Variants in BCAR3 observed in about 807,000 individuals in gnomAD.
The protein encoded by BCAR3 is breast cancer anti-estrogen resistance protein 3.
In BCAR3, 37 loss-of-function variants were observed where a neutral mutation model predicts 80.1. The ratio of observed to expected loss-of-function variants is 0.46; its 90% CI spans 0.36 to 0.61. The LOEUF is 0.61. BCAR3 is among the 20% of genes least tolerant of loss of function. BCAR3 has a pLI of 0.00. For synonymous variants in BCAR3, 389 were observed against 418.9 expected (o/e 0.93, Z 0.87); for missense variants, 978 against 1,068.2 (o/e 0.92, Z 1.18).
At chr1:93,758,054 C>CA (rs1423544580) in intron 2 of BCAR3, among the ~76,000 whole-genome samples, 1 of 152,094 alleles carries the variant, frequency 6.6e-6, no homozygotes, top group African/African-American at 2.4e-5. Flanking sequence ...CTGCATCGTC[C>CA]ACTTGTGCCT....
chr1:93,666,529 C>A (rs1421219532), intron 2 of BCAR3, among the ~76,000 whole-genome samples: 1 of 152,102 alleles, frequency 6.6e-6, no homozygotes, highest in Non-Finnish European at 1.5e-5. Context: ...CTGAATGCCC[C>A]CTAAACTGAG....
At chr1:93,606,213 A>C (rs1448770235) in intron 3 of BCAR3, among the ~76,000 whole-genome samples, 1 of 152,246 alleles carries the variant, frequency 6.6e-6, no homozygotes, top group African/African-American at 2.4e-5. Flanking sequence ...AGCATTTTAA[A>C]AAATGCAAAC....
chr1:93,845,712 C>T (rs1193984159), exon 2 of BCAR3: 1 of 151,886 alleles, frequency 6.6e-6, no homozygotes, highest in Non-Finnish European at 1.5e-5. Context: ...GTAATGTCTC[C>T]CTATGGAACA....
chr1:93,735,536 A>G (rs1456095945), intron 2 of BCAR3, among the ~76,000 whole-genome samples: 1 of 152,232 alleles, frequency 6.6e-6, no homozygotes, highest in East Asian at 1.9e-4. Flanking sequence ...ACCACATCAG[A>G]GTTGAGCTCA....
At chr1:93,674,422 A>ATT (rs1648364422) in intron 2 of BCAR3, among the ~76,000 whole-genome samples, 192 bp downstream of exon 2, 1 of 151,976 alleles carries the variant, frequency 6.6e-6, no homozygotes, top group Non-Finnish European at 1.5e-5. Flanking sequence ...TGCCCAGCTA[A>ATT]TTTTTGTATT....
intron 3 of BCAR3, among the ~76,000 whole-genome samples, chr1:93,593,369 A>T (rs1674289491): frequency 6.6e-6 from 1 of 151,810 alleles, no homozygotes; most frequent in Non-Finnish European, 1.5e-5. Flanking sequence ...TATTTATTTT[A>T]TTTTTTTTGA....
intron 2 of BCAR3, among the ~76,000 whole-genome samples, chr1:93,786,341 C>G (rs1362551638): frequency 2.0e-5 from 3 of 151,986 alleles, no homozygotes. Context: ...AACCAAAGCA[C>G]CCAGCTCACA....
chr1:93,800,731 T>G (rs1039514270), intron 2 of BCAR3, among the ~76,000 whole-genome samples: 4 of 152,212 alleles, frequency 2.6e-5, no homozygotes, highest in Non-Finnish European at 4.4e-5. Flanking sequence ...TTTTAAAATA[T>G]TTTTCTTCTT....
At chr1:93,807,807 G>A (rs1653705688) in intron 2 of BCAR3, among the ~76,000 whole-genome samples, 2 of 152,054 alleles carry the variant, frequency 1.3e-5, no homozygotes, top group Non-Finnish European at 2.9e-5. Flanking sequence ...CCAGAGGCAG[G>A]AGGAATGCTT....
intron 9 of BCAR3, 24 bp downstream of exon 9, chr1:93,571,646 C>T (rs750805236): frequency 1.9e-6 from 3 of 1,611,680 alleles, no homozygotes; most frequent in Middle Eastern, 1.7e-4. Context: ...ACATTAAGTA[C>T]ACATAAAGTA....
intron 3 of BCAR3, among the ~76,000 whole-genome samples, chr1:93,629,512 C>T (rs139260933): frequency 6.6e-6 from 1 of 152,306 alleles, no homozygotes; most frequent in African/African-American, 2.4e-5. Flanking sequence ...TTTAAATCTG[C>T]ATTTTCATGT....
intron 2 of BCAR3, among the ~76,000 whole-genome samples, chr1:93,707,931 CAAAAT>C (rs1335877099): frequency 3.3e-5 from 5 of 152,224 alleles, no homozygotes; most frequent in African/African-American, 1.2e-4. Context: ...CCCACATACA[CAAAAT>C]AAACAACGAG....
At chr1:93,619,349 C>T (rs1440997361) in intron 3 of BCAR3, among the ~76,000 whole-genome samples, 1 of 152,140 alleles carries the variant, frequency 6.6e-6, no homozygotes, top group Non-Finnish European at 1.5e-5. Flanking sequence ...AACCCATTCT[C>T]CCTCTTGGAC....
At chr1:93,571,439 A>C (rs1056158912) in intron 9 of BCAR3, 3 of 475,810 alleles carry the variant, frequency 6.3e-6, no homozygotes. Context: ...TGGAGGTTGC[A>C]GTGAGCTGAG....
chr1:93,764,183 C>T (rs1652058869), intron 2 of BCAR3, among the ~76,000 whole-genome samples: 2 of 152,016 alleles, frequency 1.3e-5, no homozygotes, highest in Non-Finnish European at 2.9e-5. Context: ...CCTCCTCCAC[C>T]AGAACACCCC....
chr1:93,785,693 T>A (rs1398858123), intron 2 of BCAR3, among the ~76,000 whole-genome samples: 1 of 152,182 alleles, frequency 6.6e-6, no homozygotes, highest in Non-Finnish European at 1.5e-5. Flanking sequence ...ACAAAATAGG[T>A]CAGGGTCTGG....
At chr1:93,784,120 T>A (rs148974609) in intron 2 of BCAR3, among the ~76,000 whole-genome samples, 3 of 151,784 alleles carry the variant, frequency 2.0e-5, no homozygotes, top group Non-Finnish European at 4.4e-5. Context: ...CAGCCCTCAG[T>A]TGAGCCGCAT....
intron 2 of BCAR3, among the ~76,000 whole-genome samples, chr1:93,749,086 T>C (rs952705913): frequency 6.6e-6 from 1 of 152,120 alleles, no homozygotes; most frequent in African/African-American, 2.4e-5. Context: ...AATGTTACTA[T>C]ATCCTTCAAC....
intron 2 of BCAR3, among the ~76,000 whole-genome samples, chr1:93,836,132 C>A (rs1180496147): frequency 6.6e-6 from 1 of 152,186 alleles, no homozygotes; most frequent in African/African-American, 2.4e-5. Context: ...ACCTCTTGCC[C>A]TTCTCAGAAT....
Sources: gnomAD v4.1 joint callset for allele counts (sites outside exome capture counted in the v4.1 genomes callset) on GRCh38, gnomAD v4.1.1 for gene constraint, MANE v1.5 for transcripts, NCBI Gene and HGNC (gene_info 2026-07-23, HGNC 2026-07-21) for gene names.